The following ESPN variants were observed in gnomAD, a reference collection of about 807,000 sequenced individuals.
ESPN encodes espin.
A neutral mutation model predicts 77.7 loss-of-function variants in ESPN; 68 were observed. That is an observed-to-expected ratio of 0.87 (90% CI 0.72 to 1.07). ESPN has a LOEUF of 1.07. ESPN is among the 50% of genes least tolerant of loss of function. ESPN has a pLI of 0.00. For missense variants in ESPN, 1,060 were observed against 1,239.0 expected, an observed-to-expected ratio of 0.86 and a Z score of 2.17; for synonymous variants, 449 against 567.1, an observed-to-expected ratio of 0.79 and a Z score of 2.96.
intron 10 of ESPN, among the ~76,000 whole-genome samples, chr1:6,454,209 C>T (rs1012312416): frequency 9.2e-5 from 14 of 152,184 alleles, no homozygotes; most frequent in African/African-American, 3.1e-4. Context: ...CCGTGCCCCA[C>T]GCCACCGACC....
intron 2 of ESPN, among the ~76,000 whole-genome samples, chr1:6,438,649 C>T (rs1643517820): frequency 6.6e-6 from 1 of 152,226 alleles, no homozygotes; most frequent in South Asian, 2.1e-4. Flanking sequence ...GCTGTGTGAC[C>T]GAGGAGAGAG....
At chr1:6,452,904 A>ATTATT (rs1643976388) in intron 10 of ESPN, among the ~76,000 whole-genome samples, 24 of 150,978 alleles carry the variant, frequency 1.6e-4, no homozygotes, top group African/African-American at 5.9e-4. Flanking sequence ...TTTATTTTTT[A>ATTATT]TTTTTTGAGA....
Position 6,424,855 on chromosome 1 carries a change from C to T in ESPN, c.-101C>T, listed in dbSNP as rs1642974975. Reference sequence around the variant, plus strand: ...CCGCTCCGCCTCCCGGCCCGCAGATCCCCGACGGCCGCACCGCGGGCTCCT... The same window carrying T: ...CCGCTCCGCCTCCCGGCCCGCAGATTCCCGACGGCCGCACCGCGGGCTCCT... On this transcript the variant is annotated 5_prime_UTR_variant, in exon 1 of 13. Coordinates refer to ENST00000645284, the MANE Select transcript of ESPN (RefSeq NM_031475.3). 5.1e-6 allele frequency: 6 copies of T among 1,173,030 alleles called. 1 individual carries two copies. The South Asian group carries it at 1.1e-4, about 21-fold the overall frequency. 72.7% of individuals were successfully genotyped at this position (1,173,030 alleles called of 1,614,324 possible).
At chr1:6,430,184 C>T (rs995567444) in intron 2 of ESPN, among the ~76,000 whole-genome samples, 7 of 152,218 alleles carry the variant, frequency 4.6e-5, no homozygotes, top group Non-Finnish European at 1.0e-4. Flanking sequence ...ACCCAGGTGG[C>T]CCAGCTTCAT....
rs1642975117 is a variant in ESPN, at chr1:6,424,861, C to T, written c.-95C>T. 5.0e-6 allele frequency: 6 copies of T among 1,204,032 alleles called. No individual in the cohort carries two copies. In the South Asian group the frequency reaches 1.3e-4, roughly 25 times the overall value. 74.6% of individuals were successfully genotyped at this position (1,204,032 alleles called of 1,614,324 possible). ...CGCCTCCCGGCCCGCAGATCCCCGA[C>T]GGCCGCACCGCGGGCTCCTCTGGCC... On this transcript the variant is annotated 5_prime_UTR_variant, in exon 1 of 13. The change creates a new upstream start codon in the 5' untranslated region. Coordinates refer to ENST00000645284, the MANE Select transcript of ESPN (RefSeq NM_031475.3).
At chr1:6,425,390 G>A in intron 1 of ESPN, 141 bp downstream of exon 1, 1 of 1,116,502 alleles carries the variant, frequency 9.0e-7, no homozygotes, top group Non-Finnish European at 1.3e-6. Context: ...TCCTTCCAGA[G>A]GCCCTCAAGT....
chr1:6,425,347 C>A, intron 1 of ESPN, 98 bp downstream of exon 1: 1 of 1,405,710 alleles, frequency 7.1e-7, no homozygotes, highest in Non-Finnish European at 9.7e-7. Context: ...TGGGGTTTGG[C>A]ACCTCCTGGC....
chr1:6,440,909 G>C, intron 4 of ESPN, 25 bp from the exon 5 acceptor site: 14 of 1,550,458 alleles, frequency 9.0e-6, no homozygotes, highest in Non-Finnish European at 1.2e-5. Flanking sequence ...GGCCGCGGCC[G>C]GGTCCTCACT....
chr1:6,427,521 G>T lies in ESPN; in HGVS notation c.295-705G>T. Reference sequence around the variant, plus strand: ...CAAGCCCTCCCAGAGGCCACCACTAGCCTGCACCTAGCACCCCTGGCTGAC... The same window carrying T: ...CAAGCCCTCCCAGAGGCCACCACTATCCTGCACCTAGCACCCCTGGCTGAC... On this transcript the variant is annotated intron_variant, in intron 1 of 12. Transcript: ENST00000645284. This position sits in a 1 kb window ranked among gnomAD's most constrained non-coding sequence, Gnocchi z 4.6. 6.6e-6 allele frequency among the ~76,000 whole-genome samples: 1 copy of T among 152,130 alleles called. No individual in the cohort carries two copies. The highest frequency in any genetic ancestry group is 1.9e-4 in the East Asian group (1 of 5,200).
intron 10 of ESPN, chr1:6,454,766 G>T (rs753324863): frequency 1.8e-5 from 7 of 397,914 alleles, no homozygotes; most frequent in Non-Finnish European, 2.7e-5. Context: ...ACATGGCCAC[G>T]CTGCTGGCTG....
chr1:6,460,736 A>C lies in ESPN; in HGVS notation c.*590A>C, dbSNP rs1569774684. The C allele has an allele frequency of 1.2e-5, 2 of 171,818 alleles. No individual in the cohort carries two copies. The highest frequency in any genetic ancestry group is 1.4e-4 in the South Asian group (1 of 7,296). 10.6% of individuals were successfully genotyped at this position (171,818 alleles called of 1,614,324 possible). A position where few individuals can be genotyped will look rare whatever the true frequency, so the allele number is the denominator to read the frequency against. ...CCGGGCCGCACTTGTGGCCCCCGGG[A>C]CCCCACCTCTGGCCCCACCTCCCTC... On this transcript the variant is annotated 3_prime_UTR_variant, in exon 13 of 13. Coordinates refer to ENST00000645284, the MANE Select transcript of ESPN (RefSeq NM_031475.3).
chr1:6,444,800 C>G, intron 6 of ESPN, 118 bp downstream of exon 6: 1 of 1,213,350 alleles, frequency 8.2e-7, no homozygotes, highest in South Asian at 1.2e-5. Context: ...ACCCTCATCA[C>G]TTGCTCTTAA....
At chr1:6,453,851 T>C (rs934438921) in intron 10 of ESPN, among the ~76,000 whole-genome samples, 5 of 152,062 alleles carry the variant, frequency 3.3e-5, no homozygotes, top group Non-Finnish European at 5.9e-5. Context: ...AATGAGAATA[T>C]TACGGTGCCC....
Position 6,428,478 on chromosome 1 carries a change from G to A in ESPN, c.488+59G>A. The stretch of plus-strand genomic sequence containing the variant: ...GGGCTGGGCCAGGGCTTTGGGGGAT[G>A]CCTGGGATTTTCCACGCCTCTCTGG... On this transcript the variant is annotated intron_variant, in intron 2 of 12. Transcript: ENST00000645284. This position sits in a 1 kb window ranked among gnomAD's most constrained non-coding sequence, Gnocchi z 5.4. The A allele has an allele frequency of 6.8e-7, 1 of 1,470,660 alleles. No individual in the cohort carries two copies. Among genetic ancestry groups the A allele is most frequent in the Non-Finnish European group, 9.3e-7 (1 of 1,077,736 alleles). The allele number at this position is 1,470,660 out of a possible 1,614,324, so 91.1% of individuals were successfully genotyped here.
intron 5 of ESPN, among the ~76,000 whole-genome samples, chr1:6,442,597 C>T (rs1384118315): frequency 3.5e-5 from 5 of 143,422 alleles, no homozygotes; most frequent in Admixed American, 2.9e-4. Context: ...AGGCTGGGCA[C>T]GGTGGCTCAC....
At position 6,460,327 on chromosome 1, in the gene ESPN, C is replaced by T; in HGVS notation, c.*181C>T. ...CAGCCCTTGGCAACACTGGAGTGCA[C>T]ACGCCGCCACGGTTGCCCAGAAAAA... On this transcript the variant is annotated 3_prime_UTR_variant, in exon 13 of 13. Transcript: ENST00000645284. 3 of 722,848 alleles carry T rather than the reference C, an allele frequency of 4.2e-6. No individual in the cohort carries two copies. Among genetic ancestry groups the T allele is most frequent in the South Asian group, 4.0e-5 (2 of 49,592 alleles). The allele number at this position is 722,848 out of a possible 1,614,324, so 44.8% of individuals were successfully genotyped here.
intron 2 of ESPN, among the ~76,000 whole-genome samples, chr1:6,431,987 G>C (rs989516447): frequency 1.3e-5 from 2 of 152,196 alleles, no homozygotes; most frequent in African/African-American, 4.8e-5. Context: ...CTTGCTGTGT[G>C]GCCTTGAGCA....
At chr1:6,459,175 A>C (rs1644109037) in intron 12 of ESPN, among the ~76,000 whole-genome samples, 1 of 151,792 alleles carries the variant, frequency 6.6e-6, no homozygotes, top group East Asian at 1.9e-4. Context: ...TGGGAGGTGG[A>C]GGTTGCAGTG....
At chr1:6,439,462 C>T (rs1035110447) in intron 2 of ESPN, among the ~76,000 whole-genome samples, 1 of 152,176 alleles carries the variant, frequency 6.6e-6, no homozygotes, top group Admixed American at 6.5e-5. Flanking sequence ...TTATGGTCAA[C>T]CAAGCATGAC....
Sources: allele counts gnomAD v4.1 joint callset (sites outside exome capture counted in the v4.1 genomes callset), GRCh38; gene constraint gnomAD v4.1.1; non-coding constraint Gnocchi (gnomAD v3.1); transcripts MANE v1.5; gene names NCBI Gene and HGNC (gene_info 2026-07-23, HGNC 2026-07-21).